The following ACACB variants were observed in gnomAD, a reference collection of about 807,000 sequenced individuals.
ACACB encodes acetyl-CoA carboxylase 2.
In ACACB, 209 loss-of-function variants were observed where a neutral mutation model predicts 278.8. The ratio of observed to expected loss-of-function variants is 0.75; its 90% CI spans 0.67 to 0.84. The LOEUF (loss-of-function observed/expected upper bound fraction) is 0.84. Ranked by LOEUF, ACACB falls within the 40% of genes least tolerant of loss-of-function variation. The pLI is 0.00. For synonymous variants in ACACB, 1,174 were observed against 1,285.6 expected (o/e 0.91, Z 1.86); for missense variants, 2,850 against 3,269.0 (o/e 0.87, Z 3.13).
rs1389168575 is a variant in ACACB, at chr12:109,168,009, C to A, written c.900C>A (p.Thr300=). 2 of 1,613,016 alleles carry A rather than the reference C, an allele frequency of 1.2e-6. No homozygotes were observed. Among genetic ancestry groups the A allele is most frequent in the Middle Eastern group, 1.7e-4 (1 of 6,050 alleles). The change falls in exon 4 of 53, where the codon ACC becomes ACA. Residue 300 remains threonine (T), a synonymous_variant. Transcript: ENST00000338432. The stretch of plus-strand genomic sequence containing the variant: ...CCATCCGGTTTGTTGTGATGGTGAC[C>A]CCCGAGGACCTTAAGGCCAACGCAG... The part of the protein sequence containing the change: ...ERAIRFVVMV[T]PEDLKANAEY...
At chr12:109,190,357 G>A (rs982605677) in intron 13 of ACACB, among the ~76,000 whole-genome samples, 1 of 152,168 alleles carries the variant, frequency 6.6e-6, no homozygotes, top group Non-Finnish European at 1.5e-5. Context: ...CAAAGTGTTG[G>A]GATTACAGGC....
rs1273878067 is a variant in ACACB at position 109,237,396 on chromosome 12, G to A, written c.4662+16G>A. ...GATCACAAAGGTAAGATGTCGCAGA[G>A]CATTTCTTCCTCTCTCAGAACCTGG... On this transcript the variant is annotated intron_variant, in intron 34 of 52. Transcript: ENST00000338432. 1 of 1,606,148 alleles carries A rather than the reference G, an allele frequency of 6.2e-7. No homozygotes were observed. The highest frequency in any genetic ancestry group is 8.5e-7 in the Non-Finnish European group (1 of 1,175,678).
chr12:109,212,980 C>T (rs781309555), intron 22 of ACACB, 44 bp downstream of exon 22: 8 of 1,548,242 alleles, frequency 5.2e-6, no homozygotes, highest in Admixed American at 3.3e-5. Context: ...TCACCTGAAT[C>T]GTCGCATGCA....
chr12:109,228,717 ATAT>A (rs2046389338), intron 28 of ACACB, among the ~76,000 whole-genome samples: 1 of 151,962 alleles, frequency 6.6e-6, no homozygotes, highest in South Asian at 2.1e-4. Flanking sequence ...CATGGCTGCC[ATAT>A]TATTTGACAG....
intron 31 of ACACB, among the ~76,000 whole-genome samples, chr12:109,234,285 G>A (rs1388681440): frequency 1.3e-5 from 2 of 152,092 alleles, no homozygotes; most frequent in Non-Finnish European, 2.9e-5. Flanking sequence ...GTATATACAC[G>A]GCTTAGCCAG....
intron 2 of ACACB, among the ~76,000 whole-genome samples, chr12:109,140,630 CT>C (rs1165790873): frequency 6.6e-6 from 1 of 152,142 alleles, no homozygotes; most frequent in African/African-American, 2.4e-5. Flanking sequence ...GCACTCCAGC[CT>C]GGGTGACAGG....
At position 109,156,607 on chromosome 12, in the gene ACACB, G is replaced by C. The variant is rs71456684; in HGVS notation, c.654-10254G>C. Among the ~76,000 whole-genome samples the C allele has an allele frequency of 1.6e-3, 79 of 48,254 alleles. 8 individuals carry two copies. Among genetic ancestry groups the C allele is most frequent in the Non-Finnish European group, 4.0e-3 (51 of 12,804 alleles). 31.7% of individuals were successfully genotyped at this position (48,254 alleles called of 152,430 possible). A position where few individuals can be genotyped will look rare whatever the true frequency, so the allele number is the denominator to read the frequency against. On this transcript the variant is annotated intron_variant, in intron 2 of 52. Transcript: ENST00000338432. ...TCTCTGTTTTTTTTTTTTTTTTTGG[G>C]GGGGGGCTATTATCAACAGCACAGT...
At position 109,181,229 on chromosome 12, in the gene ACACB, C is replaced by CTT. The variant is rs1219593155; in HGVS notation, c.1818+1157_1818+1158dup. Among the ~76,000 whole-genome samples, 395 of 130,750 alleles carry CTT rather than the reference C, an allele frequency of 3.0e-3. 2 individuals carry two copies. The highest frequency in any genetic ancestry group is 5.6e-3 in the South Asian group (23 of 4,096). 85.8% of individuals were successfully genotyped at this position (130,750 alleles called of 152,430 possible). A position where few individuals can be genotyped will look rare whatever the true frequency, so the allele number is the denominator to read the frequency against. On this transcript the variant is annotated intron_variant, in intron 11 of 52. Transcript: ENST00000338432. ...ACATTTTCTTTTTCCTTTTTCTTTT[C>CTT]TTTTTTTTTTTTTTTTGAGATGCAG...
At chr12:109,192,704 C>T (rs2044937347) in intron 15 of ACACB, among the ~76,000 whole-genome samples, 1 of 152,084 alleles carries the variant, frequency 6.6e-6, no homozygotes, top group Non-Finnish European at 1.5e-5. Flanking sequence ...GGCTATCACC[C>T]AGGCTAGAGT....
At position 109,260,462 on chromosome 12, in the gene ACACB, G is replaced by A. The variant is rs750056231; in HGVS notation, c.6497-18G>A. 1.2e-6 allele frequency: 2 copies of A among 1,614,038 alleles called. No individual in the cohort carries two copies. The highest frequency in any genetic ancestry group is 4.5e-5 in the East Asian group (2 of 44,882). On this transcript the variant is annotated intron_variant, in intron 47 of 52. Coordinates refer to ENST00000338432, the MANE Select transcript of ACACB (RefSeq NM_001093.4). ...GATGAGTGAGGGCCCTGAACTGGGA[G>A]GCTGCTTTGCTTTTCAGACATGTAT...
chr12:109,175,833 G>C, intron 7 of ACACB, 98 bp from the exon 8 acceptor site: 1 of 1,008,590 alleles, frequency 9.9e-7, no homozygotes, highest in African/African-American at 1.6e-5. Context: ...AGAAGCCCAG[G>C]TCTAGCACTA....
At chr12:109,238,483 A>G (rs1436389021) in intron 34 of ACACB, among the ~76,000 whole-genome samples, 6 of 143,686 alleles carry the variant, frequency 4.2e-5, no homozygotes, top group African/African-American at 2.5e-5. Flanking sequence ...TATGTTATAT[A>G]ACATTATATA....
chr12:109,257,487 A>G (rs2047259065), intron 45 of ACACB, among the ~76,000 whole-genome samples: 1 of 152,142 alleles, frequency 6.6e-6, no homozygotes, highest in African/African-American at 2.4e-5. Context: ...TGTCCAGTTC[A>G]ATATCCCTCA....
chr12:109,172,229 A>G, intron 5 of ACACB, 46 bp from the exon 6 acceptor site: 2 of 1,585,604 alleles, frequency 1.3e-6, no homozygotes, highest in Non-Finnish European at 1.7e-6. Flanking sequence ...GCTGGGAGGC[A>G]TATTCTTGAA....
At chr12:109,123,635 T>C (rs61934262) in intron 1 of ACACB, among the ~76,000 whole-genome samples, 71,965 of 149,782 alleles carry the variant, frequency 0.48, 18,478 homozygotes, top group African/African-American at 0.68. Context: ...AGAGGTTGCA[T>C]TGAGCCAAGA....
intron 3 of ACACB, among the ~76,000 whole-genome samples, chr12:109,167,621 G>GCATA (rs1408673157): frequency 1.9e-4 from 15 of 77,524 alleles, no homozygotes; most frequent in African/African-American, 7.6e-4. Context: ...ATATGTATGT[G>GCATA]TATATATATA....
chr12:109,139,777 T>C lies in ACACB; in HGVS notation c.372T>C (p.Gly124=), dbSNP rs2043055873. 5.0e-6 allele frequency: 8 copies of C among 1,614,044 alleles called. No individual in the cohort carries two copies. The highest frequency in any genetic ancestry group is 3.3e-4 in the Middle Eastern group (2 of 6,062). The change falls in exon 2 of 53, where the codon GGT becomes GGC. Residue 124 remains glycine, a synonymous_variant. Transcript: ENST00000338432. ...ELQANGTGTQ[G]LEATDTNGLS... The stretch of plus-strand genomic sequence containing the variant: ...AAGCCAACGGGACTGGGACACAAGG[T>C]CTGGAGGCCACAGATACCAATGGCC...
chr12:109,133,857 A>ATTTTT (rs2042896458), intron 1 of ACACB, among the ~76,000 whole-genome samples: 1 of 49,058 alleles, frequency 2.0e-5, no homozygotes, highest in Non-Finnish European at 3.6e-5. Context: ...ATATATATAT[A>ATTTTT]TATATATTTT....
chr12:109,212,565 A>G (rs1301618218), intron 21 of ACACB, among the ~76,000 whole-genome samples: 1 of 152,102 alleles, frequency 6.6e-6, no homozygotes, highest in Non-Finnish European at 1.5e-5. Flanking sequence ...CACGGTTCAC[A>G]GCAGGGTTTG....
Sources: gnomAD v4.1 joint callset for allele counts (sites outside exome capture counted in the v4.1 genomes callset) on GRCh38, gnomAD v4.1.1 for gene constraint, MANE v1.5 for transcripts, NCBI Gene and HGNC (gene_info 2026-07-23, HGNC 2026-07-21) for gene names.